The following PXDNL variants were observed in gnomAD, a reference collection of about 807,000 sequenced individuals.
The protein encoded by PXDNL is probable oxidoreductase PXDNL.
PXDNL carries 145 observed loss-of-function variants against 150.8 expected under a neutral mutation model. That is an observed-to-expected ratio of 0.96 (90% CI 0.84 to 1.10). PXDNL has a LOEUF of 1.10. PXDNL is among the 50% of genes least tolerant of loss of function. The pLI is 0.00. For synonymous variants in PXDNL, 757 were observed against 725.7 expected, an observed-to-expected ratio of 1.04 and a Z score of -0.69; for missense variants, 2,087 against 1,873.9, an observed-to-expected ratio of 1.11 and a Z score of -2.10.
chr8:51,718,293 A>G (rs1816657892), intron 1 of PXDNL, among the ~76,000 whole-genome samples: 1 of 151,926 alleles, frequency 6.6e-6, no homozygotes, highest in South Asian at 2.1e-4. Context: ...GAGCTGGGAG[A>G]TTGTGGGGGA....
In PXDNL at chr8:51,586,103, G is replaced by A. The variant is rs187117626; in HGVS notation, c.308+6524C>T. Among the ~76,000 whole-genome samples the A allele has an allele frequency of 4.6e-5, 7 of 152,250 alleles. No individual in the cohort carries two copies. In the East Asian group the frequency reaches 1.2e-3, roughly 25 times the overall value. On this transcript the variant is annotated intron_variant, in intron 3 of 22. Transcript: ENST00000356297. ...CTTCATCCACCAAAATATGGAGCCT[G>A]TTTCTCCAGTGCTGAATCACATCTT...
intron 2 of PXDNL, among the ~76,000 whole-genome samples, chr8:51,604,878 A>ACAT (rs1171419570): frequency 1.3e-5 from 2 of 150,474 alleles, no homozygotes; most frequent in African/African-American, 4.9e-5. Context: ...TTAGGAATAT[A>ACAT]CATCATCACA....
At chr8:51,415,774 A>G (rs1808783395) in intron 14 of PXDNL, among the ~76,000 whole-genome samples, 1 of 152,168 alleles carries the variant, frequency 6.6e-6, no homozygotes, top group South Asian at 2.1e-4. Flanking sequence ...ATTAAAATAT[A>G]TAATACTTAG....
At chr8:51,352,055 C>T (rs1321701708) in intron 19 of PXDNL, among the ~76,000 whole-genome samples, 4 of 151,894 alleles carry the variant, frequency 2.6e-5, no homozygotes, top group Admixed American at 2.6e-4. Flanking sequence ...GACATGAGGG[C>T]GTGACTCCTC....
Position 51,767,636 on chromosome 8 carries a change from T to C in PXDNL, c.164+41545A>G, listed in dbSNP as rs899863243. 2.0e-5 allele frequency among the ~76,000 whole-genome samples: 3 copies of C among 152,312 alleles called. 1 individual carries two copies. Among genetic ancestry groups the C allele is most frequent in the African/African-American group, 7.2e-5 (3 of 41,570 alleles). On this transcript the variant is annotated intron_variant, in intron 1 of 22. Transcript: ENST00000356297. ...TTCCTGTTTTGCAGGGCCTCAAAGG[T>C]CACCTACAGATACTCTTTTCAAATC...
intron 2 of PXDNL, among the ~76,000 whole-genome samples, chr8:51,636,202 T>C (rs1016833184): frequency 5.9e-5 from 9 of 152,126 alleles, no homozygotes; most frequent in African/African-American, 2.2e-4. Flanking sequence ...GCAGGAAATT[T>C]CTGAACATAA....
chr8:51,326,484 ACT>A (rs1238034462), intron 21 of PXDNL, among the ~76,000 whole-genome samples: 1 of 152,166 alleles, frequency 6.6e-6, no homozygotes, highest in African/African-American at 2.4e-5. Flanking sequence ...GGTGAGTGAG[ACT>A]CAGTCTCAGA....
chr8:51,696,791 C>CAGGTCCA (rs1816147884), intron 1 of PXDNL, among the ~76,000 whole-genome samples: 1 of 2,048 alleles, frequency 4.9e-4, no homozygotes. Flanking sequence ...ACATACCCAC[C>CAGGTCCA]CACACATAGG....
chr8:51,797,664 GA>G (rs1445338036), intron 1 of PXDNL, among the ~76,000 whole-genome samples: 1 of 152,150 alleles, frequency 6.6e-6, no homozygotes, highest in Non-Finnish European at 1.5e-5. Flanking sequence ...ACTGCTCTAG[GA>G]AATAAGAGAG....
intron 17 of PXDNL, among the ~76,000 whole-genome samples, chr8:51,407,784 C>T (rs2130883582): frequency 6.6e-6 from 1 of 152,272 alleles, no homozygotes; most frequent in Non-Finnish European, 1.5e-5. Flanking sequence ...CCGCAGAACA[C>T]GAATGGGCTA....
chr8:51,458,890 A>C (rs1007742367), intron 8 of PXDNL, among the ~76,000 whole-genome samples: 1 of 152,230 alleles, frequency 6.6e-6, no homozygotes, highest in Non-Finnish European at 1.5e-5. Context: ...TGAAGGCAGG[A>C]AAGATGAAGA....
chr8:51,742,868 G>GTAAA (rs1035663892), intron 1 of PXDNL, among the ~76,000 whole-genome samples: 1 of 152,106 alleles, frequency 6.6e-6, no homozygotes, highest in African/African-American at 2.4e-5. Flanking sequence ...GGCAGATACT[G>GTAAA]TAAAGACAAT....
intron 12 of PXDNL, among the ~76,000 whole-genome samples, chr8:51,434,327 A>C (rs988654714): frequency 1.3e-5 from 2 of 152,160 alleles, no homozygotes; most frequent in African/African-American, 4.8e-5. Flanking sequence ...CTCAAATGTC[A>C]TGTCCTTCTA....
chr8:51,408,682 A>T lies in PXDNL; in HGVS notation c.2942T>A (p.Met981Lys), dbSNP rs1355633574. The change falls in exon 17 of 23, where the codon ATG (methionine) becomes AAG (lysine). Residue 981 changes from methionine (M) to lysine (K), a missense_variant. Coordinates refer to ENST00000356297, the MANE Select transcript of PXDNL (RefSeq NM_144651.5). ...GTTCAGGGCGGACAGCTCCGTGGCC[A>T]TCCTGTTGTGTTCCCGGAACCACAG... is the stretch of plus-strand genomic sequence containing the variant. ...HTLWFREHNRMATELSALNPH... is the reference protein window; with the variant it reads ...HTLWFREHNRKATELSALNPH... 1 of 1,599,518 alleles carries T rather than the reference A, an allele frequency of 6.3e-7. No individual in the cohort carries two copies. The highest frequency in any genetic ancestry group is 8.5e-7 in the Non-Finnish European group (1 of 1,172,854).
At chr8:51,780,093 C>A (rs1326758069) in intron 1 of PXDNL, among the ~76,000 whole-genome samples, 1 of 152,072 alleles carries the variant, frequency 6.6e-6, no homozygotes, top group East Asian at 1.9e-4. Context: ...TGTCTGTAAT[C>A]CCAAACTACT....
At chr8:51,742,482 A>G (rs2036917072) in intron 1 of PXDNL, among the ~76,000 whole-genome samples, 1 of 152,058 alleles carries the variant, frequency 6.6e-6, no homozygotes. Flanking sequence ...GTAGGACGTT[A>G]GTTACCATTA....
At chr8:51,734,775 C>T (rs532494693) in intron 1 of PXDNL, among the ~76,000 whole-genome samples, 1 of 152,188 alleles carries the variant, frequency 6.6e-6, no homozygotes, top group East Asian at 1.9e-4. Flanking sequence ...CATGCAGCTG[C>T]TGAGACTCAA....
intron 4 of PXDNL, among the ~76,000 whole-genome samples, chr8:51,522,561 A>G (rs1026850472): frequency 2.0e-5 from 3 of 152,188 alleles, no homozygotes; most frequent in Non-Finnish European, 4.4e-5. Context: ...AAGAGAATGT[A>G]AGGCCGGGGC....
At chr8:51,637,107 T>C (rs1161401397) in intron 2 of PXDNL, among the ~76,000 whole-genome samples, 2 of 152,030 alleles carry the variant, frequency 1.3e-5, no homozygotes, top group East Asian at 1.9e-4. Flanking sequence ...TCCAGGAAAC[T>C]CCAACAGACC....
Sources: allele counts gnomAD v4.1 joint callset (sites outside exome capture counted in the v4.1 genomes callset), GRCh38; gene constraint gnomAD v4.1.1; transcripts MANE v1.5; gene names NCBI Gene and HGNC (gene_info 2026-07-23, HGNC 2026-07-21).